SPINK8: variants seen among roughly 807,000 people sequenced by gnomAD.
SPINK8 encodes serine peptidase inhibitor Kazal type 8 (putative).
In SPINK8, 12 loss-of-function variants were observed where a neutral mutation model predicts 14.4. The observed-to-expected ratio is 0.83, with a 90% CI of 0.53 to 1.35. The LOEUF is 1.35. Among genes scored for constraint, SPINK8 ranks in the 40% most tolerant of loss-of-function variants. The pLI is 0.00. For missense variants in SPINK8, 103 were observed against 117.0 expected, an observed-to-expected ratio of 0.88 and a Z score of 0.55; for synonymous variants, 32 against 37.6, an observed-to-expected ratio of 0.85 and a Z score of 0.55.
intron 6 of SPINK8, among the ~76,000 whole-genome samples, chr3:48,311,104 A>G (rs2035919268): frequency 6.6e-6 from 1 of 152,226 alleles, no homozygotes; most frequent in African/African-American, 2.4e-5. Context: ...CAATTTAATA[A>G]TATCACATTA....
At chr3:48,311,482 G>A (rs910626248) in intron 6 of SPINK8, among the ~76,000 whole-genome samples, 2 of 152,180 alleles carry the variant, frequency 1.3e-5, no homozygotes, top group Admixed American at 6.5e-5. Flanking sequence ...GATTCTATAT[G>A]TAGAAAATCC....
intron 5 of SPINK8, among the ~76,000 whole-genome samples, chr3:48,320,740 C>A (rs913039505): frequency 2.6e-5 from 4 of 152,014 alleles, no homozygotes; most frequent in Admixed American, 2.6e-4. Context: ...TGGCATAGGA[C>A]CTACCTGAAT....
chr3:48,328,256 G>A lies in SPINK8; in HGVS notation c.67+19C>T. The A allele has an allele frequency of 6.2e-7, 1 of 1,602,986 alleles. No homozygotes were observed. Among genetic ancestry groups the A allele is most frequent in the Non-Finnish European group, 8.5e-7 (1 of 1,173,508 alleles). The stretch of plus-strand genomic sequence containing the variant: ...ATTTACTGCAGAAAATGTGGGCAGA[G>A]CAAGGACACATAACTCACCAATTGC... On this transcript the variant is annotated intron_variant, in intron 4 of 7. Coordinates refer to ENST00000434006, the MANE Select transcript of SPINK8 (RefSeq NM_001080525.3).
intron 2 of SPINK8, among the ~76,000 whole-genome samples, chr3:48,331,298 G>A (rs930850054): frequency 1.3e-4 from 20 of 152,140 alleles, no homozygotes; most frequent in African/African-American, 2.7e-4. Flanking sequence ...GTAGTATAGC[G>A]GCACGGAGGG....
At chr3:48,331,602 A>T (rs773544024) in intron 2 of SPINK8, among the ~76,000 whole-genome samples, 2 of 152,220 alleles carry the variant, frequency 1.3e-5, no homozygotes, top group Non-Finnish European at 2.9e-5. Context: ...TAGAGTCTGT[A>T]TAGATATTTA....
rs781394355 is a variant in SPINK8, at chr3:48,328,249, G to T, written c.67+26C>A. ...ATTCTAGATTTACTGCAGAAAATGT[G>T]GGCAGAGCAAGGACACATAACTCAC... On this transcript the variant is annotated intron_variant, in intron 4 of 7. Coordinates refer to ENST00000434006, the MANE Select transcript of SPINK8 (RefSeq NM_001080525.3). 5 of 1,587,086 alleles carry T rather than the reference G, an allele frequency of 3.2e-6. No homozygotes were observed. In the East Asian group the frequency reaches 9.0e-5, roughly 29 times the overall value.
chr3:48,327,502 C>T (rs1331886151), intron 4 of SPINK8, among the ~76,000 whole-genome samples: 1 of 152,178 alleles, frequency 6.6e-6, no homozygotes. Flanking sequence ...GAGGATGAGA[C>T]TCAGCCAGAA....
At chr3:48,330,299 G>A (rs919184718) in intron 2 of SPINK8, among the ~76,000 whole-genome samples, 5 of 152,210 alleles carry the variant, frequency 3.3e-5, no homozygotes, top group East Asian at 3.9e-4. Flanking sequence ...CAGGCGGATC[G>A]CTTGAGGCTA....
chr3:48,331,076 C>T (rs1008868311), intron 2 of SPINK8, among the ~76,000 whole-genome samples: 10 of 152,096 alleles, frequency 6.6e-5, no homozygotes, highest in African/African-American at 2.4e-4. Flanking sequence ...ATTTGAAGAA[C>T]ATTTGTAGTT....
At position 48,319,605 on chromosome 3, in the gene SPINK8, T is replaced by C; in HGVS notation, c.131A>G (p.Lys44Arg). ...TAAAAACCAGCACTTATTTACATTC[T>C]TGAGGCATTCAACCTGAAGGTGAGA... Reference protein sequence around the residue: ...QLDKTIVECLKNVNKCWFLSY... With the variant: ...QLDKTIVECLRNVNKCWFLSY... Residue 44 changes from lysine to arginine, a missense_variant, in exon 6 of 8, where the codon AAG (lysine) becomes AGG (arginine). Transcript: ENST00000434006. The C allele has an allele frequency of 1.2e-6, 2 of 1,613,898 alleles. No homozygotes were observed. The highest frequency in any genetic ancestry group is 1.7e-6 in the Non-Finnish European group (2 of 1,179,848).
intron 6 of SPINK8, among the ~76,000 whole-genome samples, chr3:48,314,837 T>G (rs1003941846): frequency 3.9e-5 from 6 of 152,228 alleles, no homozygotes; most frequent in Non-Finnish European, 8.8e-5. Context: ...AGCTCTAACA[T>G]GTTACTGGAA....
intron 6 of SPINK8, among the ~76,000 whole-genome samples, chr3:48,311,996 C>T (rs1338477624): frequency 2.0e-5 from 3 of 152,054 alleles, no homozygotes; most frequent in Non-Finnish European, 4.4e-5. Flanking sequence ...CTTACTATAA[C>T]ACTACAATAA....
chr3:48,311,320 A>C (rs1412657243), intron 6 of SPINK8, among the ~76,000 whole-genome samples: 1 of 152,194 alleles, frequency 6.6e-6, no homozygotes, highest in Non-Finnish European at 1.5e-5. Context: ...AGACCTGTAT[A>C]AGATCAGGAA....
chr3:48,330,656 C>T (rs920815934), intron 2 of SPINK8, among the ~76,000 whole-genome samples: 3 of 151,968 alleles, frequency 2.0e-5, no homozygotes, highest in African/African-American at 4.8e-5. Flanking sequence ...TGTTCTCAGG[C>T]GATATATGAT....
chr3:48,322,480 T>C (rs1483745158), intron 4 of SPINK8, among the ~76,000 whole-genome samples: 1 of 152,032 alleles, frequency 6.6e-6, no homozygotes, highest in Admixed American at 6.6e-5. Flanking sequence ...GGATTACAGG[T>C]GCATGCCACC....
At chr3:48,332,622 C>T (rs1261974323) in intron 1 of SPINK8, among the ~76,000 whole-genome samples, 151 bp from the exon 2 acceptor site, 1 of 152,218 alleles carries the variant, frequency 6.6e-6, no homozygotes, top group Non-Finnish European at 1.5e-5. Flanking sequence ...GAACTGCCTG[C>T]TGGCCTGTGG....
At chr3:48,326,987 C>T (rs2036155149) in intron 4 of SPINK8, among the ~76,000 whole-genome samples, 2 of 152,060 alleles carry the variant, frequency 1.3e-5, no homozygotes, top group Non-Finnish European at 2.9e-5. Flanking sequence ...TGTTCAGGTA[C>T]CACTCCTGAC....
intron 4 of SPINK8, among the ~76,000 whole-genome samples, chr3:48,323,931 CTT>C (rs34730457): frequency 1.1e-4 from 16 of 139,134 alleles, no homozygotes; most frequent in Admixed American, 1.4e-4. Flanking sequence ...AGTACTTCAA[CTT>C]TTTTTTTTTT....
intron 3 of SPINK8, 69 bp from the exon 4 acceptor site, chr3:48,328,423 C>T (rs997378248): frequency 4.0e-5 from 45 of 1,111,998 alleles, no homozygotes; most frequent in Non-Finnish European, 5.5e-5. Context: ...ACAGAGATCC[C>T]TCACTGACCA....
Sources: gnomAD v4.1 joint callset for allele counts (sites outside exome capture counted in the v4.1 genomes callset) on GRCh38, gnomAD v4.1.1 for gene constraint, MANE v1.5 for transcripts, NCBI Gene and HGNC (gene_info 2026-07-23, HGNC 2026-07-21) for gene names.